The following CFAP92 variants were observed in gnomAD, a reference collection of about 807,000 sequenced individuals.
CFAP92 encodes cilia and flagella associated protein 92 (putative).
A neutral mutation model predicts 106.3 loss-of-function variants in CFAP92; 86 were observed. The observed-to-expected ratio is 0.81, with a 90% CI of 0.68 to 0.97. The LOEUF (loss-of-function observed/expected upper bound fraction) is 0.97, where lower values mean the gene tolerates loss of function less well. CFAP92 is among the 50% of genes least tolerant of loss of function. The pLI, the probability that CFAP92 is intolerant of heterozygous loss-of-function variation, is 0.00. For missense variants in CFAP92, 1,204 were observed against 1,283.8 expected (o/e 0.94, Z 0.95); for synonymous variants, 477 against 506.4 (o/e 0.94, Z 0.78).
At chr3:129,001,696 C>T (rs1175269081) in intron 1 of CFAP92, 25 of 1,495,470 alleles carry the variant, frequency 1.7e-5, no homozygotes, top group Non-Finnish European at 2.0e-5. Flanking sequence ...TACCGGCGAC[C>T]TGCGCGGCGC....
chr3:128,916,684 C>T (rs1490080687), intron 12 of CFAP92, among the ~76,000 whole-genome samples: 1 of 152,202 alleles, frequency 6.6e-6, no homozygotes, highest in African/African-American at 2.4e-5. Context: ...AGGATTATGA[C>T]CCTCATTCTG....
chr3:128,968,507 G>C (rs1576568751), intron 8 of CFAP92: 1 of 152,212 alleles, frequency 6.6e-6, no homozygotes. Context: ...ATGACCATAG[G>C]CTATGTCATG....
chr3:128,994,113 C>T (rs1944388194), upstream of CFAP92: 2 of 985,780 alleles, frequency 2.0e-6, no homozygotes, highest in African/African-American at 1.7e-5. Context: ...GGGCCGCAGG[C>T]CCAGCCACTC....
chr3:128,998,941 A>C (rs1408464783), upstream of CFAP92, among the ~76,000 whole-genome samples: 1 of 152,248 alleles, frequency 6.6e-6, no homozygotes, highest in East Asian at 1.9e-4. Context: ...AAGTTCTTTC[A>C]TGCCCAAATA....
rs79987053 is a variant in CFAP92, at chr3:128,988,157, G to A, written c.454-328C>T. Among the ~76,000 whole-genome samples the A allele has an allele frequency of 4.5e-3, 682 of 152,172 alleles. 2 individuals carry two copies. The highest frequency in any genetic ancestry group is 0.015 in the African/African-American group (625 of 41,512). ...TGTGTACACACACATGCACACACAC[G>A]TCTGCACACATGCACACACACAGAA... On this transcript the variant is annotated intron_variant, in intron 3 of 15. Coordinates refer to ENST00000645291, the MANE Select transcript of CFAP92 (RefSeq NM_001394090.1).
chr3:128,934,997 TC>T, intron 11 of CFAP92, 127 bp downstream of exon 11: 3 of 664,822 alleles, frequency 4.5e-6, no homozygotes, highest in Non-Finnish European at 7.3e-6. Flanking sequence ...ATGGTCCTCC[TC>T]CCCCCACCAT....
At chr3:128,924,749 T>C (rs1223249800) in intron 12 of CFAP92, among the ~76,000 whole-genome samples, 1 of 152,158 alleles carries the variant, frequency 6.6e-6, no homozygotes, top group Non-Finnish European at 1.5e-5. Flanking sequence ...GCCCGACCGA[T>C]TGTATCTTAA....
upstream of CFAP92, chr3:129,003,708 G>T (rs1394790540): frequency 4.9e-6 from 6 of 1,215,636 alleles, no homozygotes; most frequent in Admixed American, 8.9e-5. Flanking sequence ...GGGTGCAGAG[G>T]CATGGGGCCG....
intron 7 of CFAP92, 97 bp from the exon 8 acceptor site, chr3:128,971,530 T>G: frequency 9.6e-7 from 1 of 1,041,002 alleles, no homozygotes; most frequent in Non-Finnish European, 1.4e-6. Context: ...AGGAAGGTTC[T>G]GGAAGCTCCT....
intron 2 of CFAP92, 80 bp downstream of exon 2, chr3:128,992,963 G>T (rs1054646764): frequency 1.3e-6 from 2 of 1,512,892 alleles, no homozygotes; most frequent in African/African-American, 2.7e-5. Flanking sequence ...AGGATGTGGG[G>T]TGTATGCGCC....
At chr3:129,003,164 T>A, upstream of CFAP92, 1 of 923,162 alleles carries the variant, frequency 1.1e-6, no homozygotes, top group South Asian at 5.0e-5. Context: ...GGTGTGGTTT[T>A]CAGTGTCAGT....
At chr3:129,003,775 T>G, upstream of CFAP92, 1 of 1,417,510 alleles carries the variant, frequency 7.1e-7, no homozygotes, top group African/African-American at 1.5e-5. Context: ...CCCCTGCCCC[T>G]GCTGCCCTGT....
upstream of CFAP92, chr3:129,003,975 T>C: frequency 6.8e-7 from 1 of 1,474,556 alleles, no homozygotes; most frequent in Non-Finnish European, 8.9e-7. Flanking sequence ...CAGGTGGTGC[T>C]GCGCAGCCTG....
chr3:129,018,247 A>AG, the CFAP92 span, among the ~76,000 whole-genome samples: 1 of 152,352 alleles, frequency 6.6e-6, no homozygotes, highest in East Asian at 1.9e-4. Flanking sequence ...TTGTCTCCAT[A>AG]GGGAGCAGAA....
At chr3:128,946,069 T>TGA in intron 9 of CFAP92, 94 bp from the exon 10 acceptor site, 1 of 871,938 alleles carries the variant, frequency 1.1e-6, no homozygotes, top group Non-Finnish European at 1.6e-6. Flanking sequence ...CCAGGCTCAT[T>TGA]GCCTGTCCCT....
Position 128,988,711 on chromosome 3 carries a change from C to G in CFAP92, c.453+17G>C. ...GCATCAGACCATACACAAGGCCACA[C>G]ACACTCACACACGCACCTTTACTCC... is the stretch of plus-strand genomic sequence containing the variant. On this transcript the variant is annotated intron_variant, in intron 3 of 15. Coordinates refer to ENST00000645291, the MANE Select transcript of CFAP92 (RefSeq NM_001394090.1). 1 of 1,612,546 alleles carries G rather than the reference C, an allele frequency of 6.2e-7. No homozygotes were observed. The highest frequency in any genetic ancestry group is 8.5e-7 in the Non-Finnish European group (1 of 1,178,804).
chr3:128,985,862 C>G (rs1009464667), intron 4 of CFAP92, among the ~76,000 whole-genome samples: 10 of 152,156 alleles, frequency 6.6e-5, no homozygotes, highest in Non-Finnish European at 2.9e-5. Flanking sequence ...GATTTTGACC[C>G]CCAGGGAACA....
chr3:129,013,169 A>G, the CFAP92 span, among the ~76,000 whole-genome samples: 1 of 152,178 alleles, frequency 6.6e-6, no homozygotes, highest in Non-Finnish European at 1.5e-5. Context: ...TGGAGGACAC[A>G]AGGGGGTGGG....
At chr3:128,981,988 A>G (rs1304088193) in intron 4 of CFAP92, among the ~76,000 whole-genome samples, 1 of 152,216 alleles carries the variant, frequency 6.6e-6, no homozygotes, top group Non-Finnish European at 1.5e-5. Flanking sequence ...ACTTAGCATC[A>G]TTCTTAATAG....
Sources: gnomAD v4.1 joint callset for allele counts (sites outside exome capture counted in the v4.1 genomes callset) on GRCh38, gnomAD v4.1.1 for gene constraint, MANE v1.5 for transcripts, NCBI Gene and HGNC (gene_info 2026-07-23, HGNC 2026-07-21) for gene names.